The following PRKN variants were observed in gnomAD, a reference collection of about 807,000 sequenced individuals.
PRKN encodes the protein E3 ubiquitin-protein ligase parkin.
A neutral mutation model predicts 59.5 loss-of-function variants in PRKN; 56 were observed. That is an observed-to-expected ratio of 0.94 (90% CI 0.76 to 1.18). The LOEUF (loss-of-function observed/expected upper bound fraction) is 1.18, where lower values mean the gene tolerates loss of function less well. Ranked by LOEUF, PRKN falls within the 50% of genes most tolerant of loss-of-function variation. The pLI, the probability that PRKN is intolerant of heterozygous loss-of-function variation, is 0.00. For missense variants in PRKN, 657 were observed against 596.4 expected, an observed-to-expected ratio of 1.10 and a Z score of -1.06; for synonymous variants, 250 against 222.1, an observed-to-expected ratio of 1.13 and a Z score of -1.12.
chr6:161,654,397 C>T (rs1314429172), intron 7 of PRKN, among the ~76,000 whole-genome samples: 1 of 152,166 alleles, frequency 6.6e-6, no homozygotes, highest in Non-Finnish European at 1.5e-5. Context: ...GCAAAGGCCA[C>T]TTCCGGGAGG....
intron 7 of PRKN, among the ~76,000 whole-genome samples, chr6:161,693,588 T>C (rs2128176466): frequency 6.6e-6 from 1 of 152,306 alleles, no homozygotes; most frequent in South Asian, 2.1e-4. Context: ...AATAAAGTAT[T>C]AGAAACCCTC....
intron 6 of PRKN, among the ~76,000 whole-genome samples, chr6:161,956,660 A>G (rs1780181012): frequency 6.6e-6 from 1 of 152,210 alleles, no homozygotes; most frequent in African/African-American, 2.4e-5. Flanking sequence ...TTCCTGAATT[A>G]AAATCTCTCT....
At position 162,055,211 on chromosome 6, in the gene PRKN, G is replaced by C. The variant is rs9355380; in HGVS notation, c.535-1037C>G. ...AAAAATCAAAAGCAAAAGGCAGATA[G>C]GGGAGAGGGCACAGGGGATCAGGAG... is the stretch of plus-strand genomic sequence containing the variant. On this transcript the variant is annotated intron_variant, in intron 4 of 11. Coordinates refer to ENST00000366898, the MANE Select transcript of PRKN (RefSeq NM_004562.3). Among the ~76,000 whole-genome samples, 3 of 152,284 alleles carry C rather than the reference G, an allele frequency of 2.0e-5. No homozygotes were observed. In the East Asian group the frequency reaches 5.8e-4, roughly 29 times the overall value.
intron 7 of PRKN, among the ~76,000 whole-genome samples, chr6:161,638,824 C>G (rs1783628665): frequency 6.8e-6 from 1 of 147,872 alleles, no homozygotes; most frequent in African/African-American, 2.5e-5. Context: ...TTACTGCAAC[C>G]TCCACCTCCC....
At chr6:162,189,463 A>G (rs1248445139) in intron 4 of PRKN, among the ~76,000 whole-genome samples, 2 of 150,674 alleles carry the variant, frequency 1.3e-5, no homozygotes, top group Non-Finnish European at 3.0e-5. Flanking sequence ...TATATCATTC[A>G]TTATCATAGT....
intron 1 of PRKN, among the ~76,000 whole-genome samples, chr6:162,444,766 G>A (rs1048545852): frequency 6.6e-6 from 1 of 152,146 alleles, no homozygotes; most frequent in African/African-American, 2.4e-5. Flanking sequence ...GAAGCATTAG[G>A]AAGACCTATG....
At chr6:162,416,196 T>G (rs1263930209) in intron 2 of PRKN, among the ~76,000 whole-genome samples, 1 of 152,198 alleles carries the variant, frequency 6.6e-6, no homozygotes, top group Non-Finnish European at 1.5e-5. Context: ...TGAGTATTTG[T>G]TTGCACATTC....
rs1480349046 is a variant in PRKN at position 161,359,238 on chromosome 6, G to C, written c.1285+850C>G. ...ATACAGCACTAAGGACTTGTACTGA[G>C]CTAAGCCAGCACCTGCGGCTCTGGG... On this transcript the variant is annotated intron_variant, in intron 11 of 11. Transcript: ENST00000366898. The surrounding 1 kb of genome is among the most constrained non-coding windows in gnomAD (Gnocchi z 5.4). Among the ~76,000 whole-genome samples, 2 of 152,188 alleles carry C rather than the reference G, an allele frequency of 1.3e-5. No individual in the cohort carries two copies. The highest frequency in any genetic ancestry group is 4.8e-5 in the African/African-American group (2 of 41,448).
At chr6:162,137,068 C>T (rs1169146312) in intron 4 of PRKN, among the ~76,000 whole-genome samples, 1 of 151,886 alleles carries the variant, frequency 6.6e-6, no homozygotes, top group Non-Finnish European at 1.5e-5. Flanking sequence ...TTTAATGAGA[C>T]TCTAAAAGAA....
Position 161,545,914 on chromosome 6 carries a change from T to C in PRKN, c.1083+2940A>G, listed in dbSNP as rs577717810. On this transcript the variant is annotated intron_variant, in intron 9 of 11. Transcript: ENST00000366898. The surrounding 1 kb of genome is among the most constrained non-coding windows in gnomAD (Gnocchi z 4.1). ...GATGTCCTGAACCACAGGCATCACA[T>C]TTCCTGTGTAACGATCACAATATAA... Among the ~76,000 whole-genome samples, 2 of 152,356 alleles carry C rather than the reference T, an allele frequency of 1.3e-5. No individual in the cohort carries two copies. Among genetic ancestry groups the C allele is most frequent in the South Asian group, 2.1e-4 (1 of 4,828 alleles).
intron 2 of PRKN, among the ~76,000 whole-genome samples, chr6:162,442,950 T>C (rs1456759610): frequency 3.9e-5 from 6 of 152,098 alleles, no homozygotes; most frequent in Non-Finnish European, 8.8e-5. Context: ...TGGGAACAAT[T>C]TATTCGAATC....
intron 9 of PRKN, among the ~76,000 whole-genome samples, chr6:161,477,201 G>A (rs1262832231): frequency 6.6e-6 from 1 of 152,304 alleles, no homozygotes; most frequent in Middle Eastern, 3.4e-3. Context: ...GCGATCAGCA[G>A]CTTGTATTGG....
chr6:162,467,770 G>T (rs1018513440), intron 1 of PRKN, among the ~76,000 whole-genome samples: 9 of 151,838 alleles, frequency 5.9e-5, no homozygotes, highest in Admixed American at 1.3e-4. Flanking sequence ...AGGGCTGCAC[G>T]GCCTGGCTCC....
chr6:162,352,142 C>G (rs1784651560), intron 2 of PRKN, among the ~76,000 whole-genome samples: 1 of 152,126 alleles, frequency 6.6e-6, no homozygotes, highest in Admixed American at 6.6e-5. Flanking sequence ...ACTTCACAAA[C>G]AGCAGCACCG....
At chr6:162,409,171 A>AT (rs149417318) in intron 2 of PRKN, among the ~76,000 whole-genome samples, 6,062 of 146,332 alleles carry the variant, frequency 0.041, 404 homozygotes, top group African/African-American at 0.14. Context: ...TTTCTTTTGT[A>AT]TTTTTTTTTT....
intron 1 of PRKN, among the ~76,000 whole-genome samples, chr6:162,686,743 G>T (rs1256119578): frequency 6.6e-6 from 1 of 152,138 alleles, no homozygotes; most frequent in East Asian, 1.9e-4. Context: ...TGTGGAGAAG[G>T]ACTAACATAT....
intron 2 of PRKN, among the ~76,000 whole-genome samples, chr6:162,390,156 A>G (rs1210954925): frequency 1.3e-5 from 2 of 152,104 alleles, no homozygotes; most frequent in Non-Finnish European, 2.9e-5. Flanking sequence ...GATCCTACAT[A>G]ACGTGGGAAA....
intron 3 of PRKN, among the ~76,000 whole-genome samples, chr6:162,247,528 GAGATAAATTA>G (rs1176466796): frequency 6.6e-6 from 1 of 152,096 alleles, no homozygotes; most frequent in Admixed American, 6.6e-5. Context: ...GCTTATTTGT[GAGATAAATTA>G]AGGGGGAAAA....
intron 2 of PRKN, among the ~76,000 whole-genome samples, chr6:162,345,282 TACACAC>T (rs1784350685): frequency 2.6e-5 from 4 of 152,242 alleles, no homozygotes; most frequent in African/African-American, 9.6e-5. Context: ...AGATGTTGGC[TACACAC>T]AGAAAGCTGC....
Sources: allele counts gnomAD v4.1 joint callset (sites outside exome capture counted in the v4.1 genomes callset), GRCh38; gene constraint gnomAD v4.1.1; non-coding constraint Gnocchi (gnomAD v3.1); transcripts MANE v1.5; gene names NCBI Gene and HGNC (gene_info 2026-07-23, HGNC 2026-07-21).